PLS3: variants seen among roughly 807,000 people sequenced by gnomAD.
PLS3 encodes the protein plastin 3, also known as plastin-3.
PLS3 carries 11 observed loss-of-function variants against 46.5 expected under a neutral mutation model. The observed-to-expected ratio is 0.24, with a 90% CI of 0.15 to 0.39. The LOEUF is 0.39. Among genes scored for constraint, PLS3 ranks in the 10% least tolerant of loss-of-function variants. PLS3 has a pLI of 1.00. For missense variants in PLS3, 308 were observed against 461.8 expected, an observed-to-expected ratio of 0.67 and a Z score of 3.05; for synonymous variants, 167 against 162.2, an observed-to-expected ratio of 1.03 and a Z score of -0.22.
intron 1 of PLS3, among the ~76,000 whole-genome samples, chrX:115,576,893 G>C (rs906273774): frequency 1.3e-4 from 15 of 112,503 alleles, no homozygotes; most frequent in Non-Finnish European, 2.6e-4. Flanking sequence ...AAATAAAACA[G>C]TGTGCCATCG....
intron 1 of PLS3, chrX:115,562,425 G>A (rs2074144715): frequency 8.9e-6 from 1 of 111,987 alleles, no homozygotes; most frequent in Non-Finnish European, 1.9e-5. Context: ...GATATCCCCA[G>A]TGGTGCAGAA....
At chrX:115,646,352 C>G (rs1556641692) in intron 12 of PLS3, 50 bp from the exon 13 acceptor site, 1 of 1,157,773 alleles carries the variant, frequency 8.6e-7, no homozygotes, top group Non-Finnish European at 1.2e-6. Context: ...CACACGTATG[C>G]AGATTAAACA....
At chrX:115,605,189 C>G (rs1271292858) in intron 1 of PLS3, among the ~76,000 whole-genome samples, 9 of 111,666 alleles carry the variant, frequency 8.1e-5, no homozygotes, top group Admixed American at 7.7e-4. Flanking sequence ...CCTGAAACAA[C>G]CTTGTCTGGA....
At chrX:115,618,964 A>G (rs939554772) in intron 2 of PLS3, among the ~76,000 whole-genome samples, 20 of 112,741 alleles carry the variant, frequency 1.8e-4, no homozygotes, top group African/African-American at 6.4e-4. Context: ...TAAAAGAATA[A>G]GCTATCTCTT....
rs1556641284 is a variant in PLS3 at position 115,643,456 on chromosome X, C to T, written c.1131C>T (p.Tyr377=). Residue 377 remains tyrosine, a synonymous_variant, in exon 10 of 16, where the codon TAC becomes TAT. Coordinates refer to ENST00000355899, the MANE Select transcript of PLS3 (RefSeq NM_005032.7). ...LAFVANLFNK[Y]PALTKPENQD... ...TCGTGGCTAACCTGTTTAATAAATA[C>T]CCAGCACTAACTAAGCCAGAGAACC... 8.3e-7 allele frequency: 1 copy of T among 1,202,750 alleles called. No individual in the cohort carries two copies. The highest frequency in any genetic ancestry group is 1.1e-6 in the Non-Finnish European group (1 of 888,988).
intron 1 of PLS3, among the ~76,000 whole-genome samples, chrX:115,599,520 C>T (rs1285000385): frequency 6.4e-5 from 3 of 46,856 alleles, no homozygotes; most frequent in Non-Finnish European, 1.2e-4. Flanking sequence ...GACTCTATCT[C>T]AAAAAAAAAA....
chrX:115,582,868 G>A (rs781987885), intron 1 of PLS3, among the ~76,000 whole-genome samples: 2 of 111,979 alleles, frequency 1.8e-5, no homozygotes, highest in Admixed American at 9.5e-5. Context: ...GCGAAAGCCC[G>A]TCTCTACTAA....
rs1302958574 is a variant in PLS3, at chrX:115,643,808, GAAAAATTA to G, written c.1183+309_1183+316del. ...CAACATGGTGAAACCCCGTCTCTAC[GAAAAATTA>G]AAAAATTAGCTGGGGCGTGGTGGCA... On this transcript the variant is annotated intron_variant, in intron 10 of 15. Transcript: ENST00000355899. Among the ~76,000 whole-genome samples, 3 of 110,559 alleles carry G rather than the reference GAAAAATTA, an allele frequency of 2.7e-5. 1 individual carries two copies. The South Asian group carries it at 1.2e-3, about 42-fold the overall frequency.
chrX:115,640,337 C>T, intron 8 of PLS3, 71 bp from the exon 9 acceptor site: 1 of 749,616 alleles, frequency 1.3e-6, no homozygotes, highest in Non-Finnish European at 2.1e-6. Flanking sequence ...AATAGCCTTC[C>T]AAACATGGGA....
In PLS3 at chrX:115,650,090, C is replaced by T. The variant is rs1301980224; in HGVS notation, c.*529C>T. 2.7e-5 allele frequency: 3 copies of T among 112,251 alleles called. No homozygotes were observed. Among genetic ancestry groups the T allele is most frequent in the Non-Finnish European group, 5.6e-5 (3 of 53,217 alleles). The allele number at this position is 112,251 out of a possible 1,213,427, so 9.3% of individuals were successfully genotyped here. A position where few individuals can be genotyped will look rare whatever the true frequency, so the allele number is the denominator to read the frequency against. On this transcript the variant is annotated 3_prime_UTR_variant, in exon 16 of 16. Transcript: ENST00000355899. ...TGTGCAGAATGTAATAGAAGCTTTT[C>T]TTATTCTTTTATTCTTAAGATCAGT...
chrX:115,590,435 C>T (rs115455549), intron 1 of PLS3, among the ~76,000 whole-genome samples: 4,245 of 111,050 alleles, frequency 0.038, 199 homozygotes, highest in African/African-American at 0.13. Context: ...CCACCGCCCC[C>T]GTCACGCACA....
In PLS3 at chrX:115,602,429, G is replaced by T. The variant is rs112089477; in HGVS notation, c.-8-7814G>T. On this transcript the variant is annotated intron_variant, in intron 1 of 15. Transcript: ENST00000355899. ...GCTTTAGTAATCATAGTATGAATAGGTGAGTTTTAGCCCACAGTGTTGCAC... is the reference window on the plus strand; with the variant it reads ...GCTTTAGTAATCATAGTATGAATAGTTGAGTTTTAGCCCACAGTGTTGCAC... Among the ~76,000 whole-genome samples the T allele has an allele frequency of 7.6e-3, 855 of 111,783 alleles. 3 individuals are homozygous for T. The highest frequency in any genetic ancestry group is 0.026 in the African/African-American group (790 of 30,778).
chrX:115,642,558 AAC>A (rs2074909143), intron 9 of PLS3, among the ~76,000 whole-genome samples: 1 of 111,311 alleles, frequency 9.0e-6, no homozygotes, highest in African/African-American at 3.3e-5. Context: ...TCTGCTGCAT[AAC>A]ACAGCCCCAG....
chrX:115,582,822 T>C (rs1436072398), intron 1 of PLS3, among the ~76,000 whole-genome samples: 2 of 112,328 alleles, frequency 1.8e-5, no homozygotes, highest in Non-Finnish European at 3.8e-5. Flanking sequence ...GCGGATCACT[T>C]GAGGACAGGA....
chrX:115,591,198 T>C (rs782333559), intron 1 of PLS3, among the ~76,000 whole-genome samples: 4 of 112,754 alleles, frequency 3.5e-5, no homozygotes, highest in African/African-American at 1.3e-4. Context: ...AAGTAGAAGA[T>C]GTGCCCTTTT....
chrX:115,562,857 G>A (rs2147404054), intron 1 of PLS3: 1 of 109,663 alleles, frequency 9.1e-6, no homozygotes, highest in East Asian at 2.9e-4. Flanking sequence ...AGGTGGGGAG[G>A]AGTGTGAACT....
At chrX:115,633,256 C>T (rs782778823) in intron 5 of PLS3, among the ~76,000 whole-genome samples, 7 of 109,249 alleles carry the variant, frequency 6.4e-5, no homozygotes, top group East Asian at 2.9e-4. Context: ...CTTCAACCTC[C>T]GCCTCCCAGG....
intron 1 of PLS3, among the ~76,000 whole-genome samples, chrX:115,584,903 G>C (rs1353506204): frequency 2.7e-5 from 3 of 111,853 alleles, no homozygotes; most frequent in Non-Finnish European, 5.6e-5. Context: ...ATGGGTTGTG[G>C]TGGAAAAATG....
rs2074815433 is a variant in PLS3, at chrX:115,634,957, G to A, written c.659G>A (p.Arg220Lys). Residue 220 changes from arginine (R) to lysine (K), a missense_variant, in exon 7 of 16, where the codon AGG becomes AAG. By Grantham distance (26) the Arg-to-Lys change is conservative. This residue lies in a region of PLS3 where 271 missense variants were observed against 435.7 expected (regional missense o/e 0.62). Coordinates refer to ENST00000355899, the MANE Select transcript of PLS3 (RefSeq NM_005032.7). ...GTGAACATTGGTGCAGAAGATTTGA[G>A]GGCTGGGAAACCTCATCTGGTTTTG... ...HVVNIGAEDL[R>K]AGKPHLVLGL... 1.7e-6 allele frequency: 2 copies of A among 1,210,164 alleles called. No individual in the cohort carries two copies. The highest frequency in any genetic ancestry group is 1.1e-6 in the Non-Finnish European group (1 of 894,113).
Sources: allele counts gnomAD v4.1 joint callset (sites outside exome capture counted in the v4.1 genomes callset), GRCh38; gene constraint gnomAD v4.1.1; regional missense constraint gnomAD v4.1.1; transcripts MANE v1.5; gene names NCBI Gene and HGNC (gene_info 2026-07-23, HGNC 2026-07-21).